The following PTPRD variants were observed in gnomAD, a reference collection of about 807,000 sequenced individuals.
PTPRD encodes the protein protein tyrosine phosphatase receptor type D.
Under a neutral mutation model 214.5 loss-of-function variants are expected in PTPRD, and 34 were observed. The ratio of observed to expected loss-of-function variants is 0.16; its 90% CI spans 0.12 to 0.21. The LOEUF is 0.21. PTPRD is among the 10% of genes least tolerant of loss of function. The pLI, the probability that PTPRD is intolerant of heterozygous loss-of-function variation, is 1.00. For synonymous variants in PTPRD, 1,128 were observed against 845.7 expected, an observed-to-expected ratio of 1.33 and a Z score of -5.79; for missense variants, 2,545 against 2,398.7, an observed-to-expected ratio of 1.06 and a Z score of -1.27.
At chr9:9,322,763 C>A (rs183070937) in intron 9 of PTPRD, among the ~76,000 whole-genome samples, 1 of 152,092 alleles carries the variant, frequency 6.6e-6, no homozygotes, top group African/African-American at 2.4e-5. Flanking sequence ...TCTATGACAT[C>A]TAGTAATCTG....
chr9:10,055,913 C>T (rs570287197), intron 3 of PTPRD, among the ~76,000 whole-genome samples: 3 of 151,388 alleles, frequency 2.0e-5, no homozygotes, highest in Non-Finnish European at 2.9e-5. Context: ...TGTGTGTGTA[C>T]TTACTGCAAC....
intron 10 of PTPRD, among the ~76,000 whole-genome samples, chr9:9,020,139 A>G (rs960509519): frequency 3.9e-5 from 6 of 152,202 alleles, no homozygotes; most frequent in African/African-American, 1.4e-4. Flanking sequence ...AAGATTTTAA[A>G]GGCATATACA....
intron 9 of PTPRD, among the ~76,000 whole-genome samples, chr9:9,335,485 C>G (rs1194983724): frequency 6.6e-6 from 1 of 152,048 alleles, no homozygotes; most frequent in Non-Finnish European, 1.5e-5. Context: ...CATCTTTTCA[C>G]TTGTATATTA....
At chr9:8,551,008 G>T (rs750515966) in intron 14 of PTPRD, among the ~76,000 whole-genome samples, 1 of 152,226 alleles carries the variant, frequency 6.6e-6, no homozygotes, top group Non-Finnish European at 1.5e-5. Flanking sequence ...TGGTTGAATA[G>T]ATTTCACTCC....
intron 4 of PTPRD, among the ~76,000 whole-genome samples, chr9:10,012,063 T>G (rs1374093468): frequency 1.3e-5 from 2 of 152,014 alleles, no homozygotes; most frequent in Non-Finnish European, 2.9e-5. Flanking sequence ...TAGGTATAAC[T>G]ATTTGTGAAA....
intron 37 of PTPRD, 35 bp downstream of exon 37, chr9:8,389,196 AT>A (rs956074557): frequency 1.9e-6 from 3 of 1,558,506 alleles, no homozygotes; most frequent in Non-Finnish European, 2.6e-6. Context: ...CTGAGGGAAA[AT>A]TTTTAAAAGG....
rs536294230 is a variant in PTPRD, at chr9:10,040,344, T to C, written c.-544-6554A>G. On this transcript the variant is annotated intron_variant, in intron 3 of 45. Transcript: ENST00000381196. ...GATAGCCATCCAGCACATTCAACAATCGGTCGAAACATTTTAGATACACCT... is the reference window on the plus strand; with the variant it reads ...GATAGCCATCCAGCACATTCAACAACCGGTCGAAACATTTTAGATACACCT... Among the ~76,000 whole-genome samples, 23 of 152,092 alleles carry C rather than the reference T, an allele frequency of 1.5e-4. 1 individual carries two copies. The South Asian group carries it at 4.8e-3, about 32-fold the overall frequency.
At chr9:8,832,751 T>C (rs1440504956) in intron 11 of PTPRD, among the ~76,000 whole-genome samples, 1 of 151,958 alleles carries the variant, frequency 6.6e-6, no homozygotes, top group East Asian at 1.9e-4. Flanking sequence ...GGAGGCTGGA[T>C]ATTCAATATT....
At chr9:9,042,450 T>TG (rs1205846338) in intron 10 of PTPRD, among the ~76,000 whole-genome samples, 3 of 151,990 alleles carry the variant, frequency 2.0e-5, no homozygotes, top group Non-Finnish European at 4.4e-5. Flanking sequence ...ATTTGAAGTA[T>TG]GAGAGATGCA....
chr9:10,199,930 C>T (rs933551184), intron 3 of PTPRD, among the ~76,000 whole-genome samples: 17 of 151,156 alleles, frequency 1.1e-4, no homozygotes, highest in African/African-American at 3.6e-4. Context: ...CACACACACA[C>T]ACACATCCTT....
At position 9,328,614 on chromosome 9, in the gene PTPRD, CTTGCTTTTTTTTTTTT is replaced by C. The variant is rs1339259094; in HGVS notation, c.-203+68819_-203+68834del. Among the ~76,000 whole-genome samples the C allele has an allele frequency of 4.3e-3, 169 of 39,086 alleles. 3 individuals carry two copies. The highest frequency in any genetic ancestry group is 0.016 in the Middle Eastern group (1 of 64). The allele number at this position is 39,086 out of a possible 152,430, so 25.6% of individuals were successfully genotyped here. A position where few individuals can be genotyped will look rare whatever the true frequency, so the allele number is the denominator to read the frequency against. ...GATCACATTTTCTTTTGTTGTTGTT[CTTGCTTTTTTTTTTTT>C]TTTTTTTTTTTTTTTTTTTTTTTTT... On this transcript the variant is annotated intron_variant, in intron 9 of 45. Transcript: ENST00000381196.
chr9:10,370,857 G>T (rs1301322737), intron 2 of PTPRD, among the ~76,000 whole-genome samples: 1 of 151,900 alleles, frequency 6.6e-6, no homozygotes, highest in Non-Finnish European at 1.5e-5. Context: ...GACATATAAT[G>T]AGTTTCTCTG....
intron 5 of PTPRD, among the ~76,000 whole-genome samples, chr9:9,808,929 C>A (rs1202892191): frequency 3.4e-5 from 5 of 146,292 alleles, no homozygotes; most frequent in East Asian, 4.1e-4. Context: ...TGCCACAATG[C>A]CTGGCTAATT....
intron 12 of PTPRD, among the ~76,000 whole-genome samples, chr9:8,655,781 CTTTTA>C (rs1023799702): frequency 1.4e-5 from 2 of 142,984 alleles, no homozygotes; most frequent in African/African-American, 5.2e-5. Context: ...TCACCCTTTT[CTTTTA>C]TATTACTGTA....
intron 5 of PTPRD, among the ~76,000 whole-genome samples, chr9:9,773,388 C>T (rs531943829): frequency 2.4e-4 from 37 of 152,108 alleles, no homozygotes; most frequent in Non-Finnish European, 5.0e-4. Context: ...GTAACTGCTT[C>T]ACTCTTGAAG....
chr9:9,168,421 T>C (rs967950082), intron 10 of PTPRD, among the ~76,000 whole-genome samples: 1 of 152,186 alleles, frequency 6.6e-6, no homozygotes, highest in Non-Finnish European at 1.5e-5. Flanking sequence ...ATTTATTTTA[T>C]TTTAGTATAT....
intron 14 of PTPRD, among the ~76,000 whole-genome samples, chr9:8,589,213 A>G (rs2093911090): frequency 6.6e-6 from 1 of 152,200 alleles, no homozygotes; most frequent in Non-Finnish European, 1.5e-5. Context: ...GATCAAATCA[A>G]TCAACCCACC....
At chr9:10,497,549 C>G (rs899467708) in intron 2 of PTPRD, among the ~76,000 whole-genome samples, 1 of 152,028 alleles carries the variant, frequency 6.6e-6, no homozygotes, top group East Asian at 1.9e-4. Context: ...TTTATTTGCG[C>G]ATTTAAAAGT....
intron 8 of PTPRD, among the ~76,000 whole-genome samples, chr9:9,489,735 G>A (rs2095819269): frequency 6.6e-6 from 1 of 152,096 alleles, no homozygotes; most frequent in South Asian, 2.1e-4. Context: ...AAAGGGAAAA[G>A]ACTGAAGTGA....
Sources: allele counts gnomAD v4.1 joint callset (sites outside exome capture counted in the v4.1 genomes callset), GRCh38; gene constraint gnomAD v4.1.1; transcripts MANE v1.5; gene names NCBI Gene and HGNC (gene_info 2026-07-23, HGNC 2026-07-21).